MAP4K3: variants seen among roughly 807,000 people sequenced by gnomAD.
MAP4K3 encodes the protein MAPK/ERK kinase kinase kinase 3.
In MAP4K3, 94 loss-of-function variants were observed where a neutral mutation model predicts 143.5. That is an observed-to-expected ratio of 0.65 (90% CI 0.55 to 0.78). MAP4K3 has a LOEUF of 0.78. Ranked by LOEUF, MAP4K3 falls within the 30% of genes least tolerant of loss-of-function variation. The pLI is 0.00. For synonymous variants in MAP4K3, 416 were observed against 347.2 expected (o/e 1.20, Z -2.20); for missense variants, 1,077 against 1,068.1 (o/e 1.01, Z -0.12).
At position 39,282,569 on chromosome 2, in the gene MAP4K3, C is replaced by T. The variant is rs199706884; in HGVS notation, c.1588-15G>A. ...CTAATAGGCTTCTAGAAAAAGAACA[C>T]ATGTATGATTACACTTTTTTTGCTG... On this transcript the variant is annotated splice_polypyrimidine_tract_variant and intron_variant, in intron 21 of 33. Transcript: ENST00000263881. 4.4e-5 allele frequency: 71 copies of T among 1,601,136 alleles called. No homozygotes were observed. The African/African-American group carries it at 6.4e-4, about 14-fold the overall frequency.
chr2:39,321,177 G>T (rs1332245893), intron 12 of MAP4K3, among the ~76,000 whole-genome samples: 3 of 152,126 alleles, frequency 2.0e-5, no homozygotes, highest in African/African-American at 7.2e-5. Context: ...AAGAAAGAGA[G>T]ATCAGATTGT....
chr2:39,331,877 G>C, intron 8 of MAP4K3, 40 bp downstream of exon 8: 1 of 1,289,734 alleles, frequency 7.8e-7, no homozygotes, highest in Non-Finnish European at 1.1e-6. Context: ...ATCCAATAAT[G>C]ATAGAACAAA....
At chr2:39,426,360 T>C (rs1276605122) in intron 1 of MAP4K3, among the ~76,000 whole-genome samples, 1 of 152,058 alleles carries the variant, frequency 6.6e-6, no homozygotes, top group Non-Finnish European at 1.5e-5. Flanking sequence ...TTTCTGGAGT[T>C]GGGGGGAAAA....
At chr2:39,389,428 T>A (rs1218359056) in intron 1 of MAP4K3, among the ~76,000 whole-genome samples, 1 of 151,844 alleles carries the variant, frequency 6.6e-6, no homozygotes, top group Admixed American at 6.6e-5. Context: ...AGACAAAACC[T>A]CAGATTCAGA....
chr2:39,250,140 A>C lies in MAP4K3; in HGVS notation c.*478T>G, dbSNP rs1304656606. The C allele has an allele frequency of 6.5e-6, 1 of 152,704 alleles. No homozygotes were observed. Among genetic ancestry groups the C allele is most frequent in the Admixed American group, 6.5e-5 (1 of 15,292 alleles). The allele number at this position is 152,704 out of a possible 1,614,324, so 9.5% of individuals were successfully genotyped here. A position where few individuals can be genotyped will look rare whatever the true frequency, so the allele number is the denominator to read the frequency against. ...ACAAGATTTATATTCATATTACTAA[A>C]TTACATATAATAAAAATACAATAGT... On this transcript the variant is annotated 3_prime_UTR_variant, in exon 34 of 34. Transcript: ENST00000263881.
At chr2:39,436,752 C>A in intron 1 of MAP4K3, 140 bp downstream of exon 1, 1 of 692,096 alleles carries the variant, frequency 1.4e-6, no homozygotes, top group Non-Finnish European at 2.5e-6. Flanking sequence ...CAGCAGAGCC[C>A]TTGGCGTCCG....
intron 16 of MAP4K3, 31 bp from the exon 17 acceptor site, chr2:39,293,299 T>C: frequency 2.3e-6 from 3 of 1,295,372 alleles, no homozygotes; most frequent in South Asian, 1.3e-5. Context: ...CAAAAAATAA[T>C]GTGAATAAAT....
At chr2:39,288,529 C>CT (rs1404988030) in intron 19 of MAP4K3, among the ~76,000 whole-genome samples, 6 of 152,138 alleles carry the variant, frequency 3.9e-5, no homozygotes, top group Admixed American at 2.6e-4. Context: ...TCTAAGTCGA[C>CT]TTTTTTATTA....
intron 31 of MAP4K3, among the ~76,000 whole-genome samples, chr2:39,257,198 T>A (rs1192924257): frequency 2.0e-5 from 3 of 152,170 alleles, no homozygotes; most frequent in African/African-American, 7.2e-5. Flanking sequence ...AAAGTGTGCC[T>A]AGTCAAATAT....
chr2:39,335,853 G>C (rs1392516394), intron 6 of MAP4K3, among the ~76,000 whole-genome samples: 1 of 152,140 alleles, frequency 6.6e-6, no homozygotes, highest in Non-Finnish European at 1.5e-5. Context: ...ATGCGCATAA[G>C]GGCATTTTCT....
At chr2:39,299,965 C>A in intron 15 of MAP4K3, 164 bp from the exon 16 acceptor site, 1 of 353,622 alleles carries the variant, frequency 2.8e-6, no homozygotes, top group Non-Finnish European at 5.2e-6. Flanking sequence ...AGTTCATAGT[C>A]CTGATTTAAG....
At chr2:39,407,449 G>C (rs891936158) in intron 1 of MAP4K3, among the ~76,000 whole-genome samples, 2 of 152,088 alleles carry the variant, frequency 1.3e-5, no homozygotes, top group African/African-American at 4.8e-5. Flanking sequence ...CAAGAAAACA[G>C]AAGAAACAGC....
At chr2:39,315,517 A>AT (rs5830562) in intron 12 of MAP4K3, 129 bp from the exon 13 acceptor site, 312 of 419,250 alleles carry the variant, frequency 7.4e-4, no homozygotes, top group Admixed American at 2.5e-3. Context: ...CACTTTGCAA[A>AT]TTTTTTTTTT....
intron 13 of MAP4K3, among the ~76,000 whole-genome samples, chr2:39,314,069 G>A (rs1442461290): frequency 2.0e-5 from 3 of 151,144 alleles, no homozygotes; most frequent in Non-Finnish European, 4.4e-5. Flanking sequence ...CTTGTTCTTT[G>A]CCCAGGCTGG....
At chr2:39,414,633 T>C (rs1360828149) in intron 1 of MAP4K3, among the ~76,000 whole-genome samples, 3 of 152,118 alleles carry the variant, frequency 2.0e-5, no homozygotes, top group African/African-American at 7.2e-5. Context: ...CACAGCACTT[T>C]GGGAGGCCCA....
At chr2:39,316,884 C>G (rs1336744753) in intron 12 of MAP4K3, among the ~76,000 whole-genome samples, 3 of 151,938 alleles carry the variant, frequency 2.0e-5, no homozygotes, top group Admixed American at 1.3e-4. Context: ...GATACATTCT[C>G]AAAAATTAAA....
intron 33 of MAP4K3, among the ~76,000 whole-genome samples, chr2:39,251,288 G>A (rs927662139): frequency 1.3e-5 from 2 of 152,166 alleles, no homozygotes; most frequent in Non-Finnish European, 2.9e-5. Context: ...CATGATCAAA[G>A]GTTGGTTTTA....
intron 1 of MAP4K3, among the ~76,000 whole-genome samples, chr2:39,382,155 T>C (rs943692797): frequency 2.0e-5 from 3 of 152,230 alleles, no homozygotes; most frequent in Non-Finnish European, 4.4e-5. Flanking sequence ...TGAGATGATT[T>C]CACGCAGATT....
At chr2:39,256,271 T>C (rs1680339974) in intron 31 of MAP4K3, among the ~76,000 whole-genome samples, 2 of 152,228 alleles carry the variant, frequency 1.3e-5, no homozygotes, top group African/African-American at 4.8e-5. Context: ...TCTTTCTTTC[T>C]AATCCTCATA....
Sources: gnomAD v4.1 joint callset for allele counts (sites outside exome capture counted in the v4.1 genomes callset) on GRCh38, gnomAD v4.1.1 for gene constraint, MANE v1.5 for transcripts, NCBI Gene and HGNC (gene_info 2026-07-23, HGNC 2026-07-21) for gene names.